STAT5B: variants seen among roughly 807,000 people sequenced by gnomAD.
STAT5B encodes the protein transcription factor STAT5B.
STAT5B carries 21 observed loss-of-function variants against 107.8 expected under a neutral mutation model. That is an observed-to-expected ratio of 0.19 (90% confidence interval 0.14 to 0.28). The LOEUF (loss-of-function observed/expected upper bound fraction) is 0.28. STAT5B is among the 10% of genes least tolerant of loss of function. The pLI is 1.00. For missense variants in STAT5B, 565 were observed against 1,008.2 expected (o/e 0.56, Z 5.95); for synonymous variants, 325 against 401.7 (o/e 0.81, Z 2.28).
chr17:42,268,343 A>G (rs928074527), intron 1 of STAT5B, among the ~76,000 whole-genome samples: 4 of 152,210 alleles, frequency 2.6e-5, no homozygotes, highest in African/African-American at 9.7e-5. Context: ...ACAGGTTTGT[A>G]GTCTAGGAGC....
At chr17:42,218,057 A>G (rs2080188400) in intron 9 of STAT5B, 94 bp downstream of exon 9, 1 of 1,550,496 alleles carries the variant, frequency 6.4e-7, no homozygotes, top group Non-Finnish European at 8.7e-7. Flanking sequence ...CCAGAAGGGC[A>G]AACAGGGATC....
chr17:42,204,679 A>C (rs2080072264), intron 16 of STAT5B, among the ~76,000 whole-genome samples: 1 of 152,262 alleles, frequency 6.6e-6, no homozygotes, highest in African/African-American at 2.4e-5. Flanking sequence ...CAATGGCACA[A>C]TCATAGCTCA....
chr17:42,244,181 G>A (rs142507325), intron 1 of STAT5B, among the ~76,000 whole-genome samples: 22 of 150,208 alleles, frequency 1.5e-4, no homozygotes, highest in Non-Finnish European at 3.2e-4. Context: ...TCAACCTCCT[G>A]GGTTCAGGTG....
the STAT5B span, chr17:42,288,069 G>A: frequency 6.6e-6 from 1 of 152,206 alleles, no homozygotes; most frequent in East Asian, 1.9e-4. This position sits in a 1 kb window ranked among gnomAD's most constrained non-coding sequence, Gnocchi z 4.8. Context: ...CTCAAAAGAT[G>A]ACACGCGCCA....
intron 11 of STAT5B, among the ~76,000 whole-genome samples, chr17:42,216,308 G>A (rs1413513699): frequency 6.6e-6 from 1 of 151,980 alleles, no homozygotes; most frequent in Non-Finnish European, 1.5e-5. Context: ...TATTTTACAA[G>A]CAATGTTGCT....
the STAT5B span, among the ~76,000 whole-genome samples, chr17:42,282,948 G>A: frequency 1.3e-5 from 2 of 152,178 alleles, no homozygotes; most frequent in Admixed American, 6.5e-5. Context: ...GCACTTTTTT[G>A]AGGCTTGGAG....
intron 1 of STAT5B, among the ~76,000 whole-genome samples, chr17:42,255,357 G>T (rs1031127848): frequency 6.6e-6 from 1 of 152,172 alleles, no homozygotes; most frequent in Non-Finnish European, 1.5e-5. Context: ...TACAGATGAG[G>T]AATCACATTT....
At chr17:42,257,823 C>T (rs1448596868) in intron 1 of STAT5B, among the ~76,000 whole-genome samples, 2 of 152,084 alleles carry the variant, frequency 1.3e-5, no homozygotes, top group African/African-American at 4.8e-5. Context: ...CAAATACCAC[C>T]ACAGTGAAAA....
chr17:42,230,346 C>T (rs2080307745), intron 2 of STAT5B, among the ~76,000 whole-genome samples: 1 of 152,126 alleles, frequency 6.6e-6, no homozygotes, highest in African/African-American at 2.4e-5. Flanking sequence ...TCAAAGAGGA[C>T]CCATGGCTAA....
At chr17:42,228,037 G>T (rs2080288598) in intron 2 of STAT5B, among the ~76,000 whole-genome samples, 1 of 152,158 alleles carries the variant, frequency 6.6e-6, no homozygotes, top group South Asian at 2.1e-4. Context: ...TAAGGACTTG[G>T]ATAATTTCCT....
intron 15 of STAT5B, 45 bp downstream of exon 15, chr17:42,210,126 A>G (rs2080116682): frequency 6.2e-7 from 1 of 1,613,976 alleles, no homozygotes; most frequent in Admixed American, 1.7e-5. Flanking sequence ...ATAATTTTGT[A>G]ACGAAAGCAG....
intron 1 of STAT5B, among the ~76,000 whole-genome samples, chr17:42,262,178 T>G (rs2080604136): frequency 6.6e-6 from 1 of 152,142 alleles, no homozygotes; most frequent in Non-Finnish European, 1.5e-5. Context: ...ATTTTTATTC[T>G]GAGACAGGGT....
intron 1 of STAT5B, among the ~76,000 whole-genome samples, chr17:42,247,042 G>A (rs1180090747): frequency 1.3e-5 from 2 of 152,138 alleles, no homozygotes; most frequent in African/African-American, 2.4e-5. Flanking sequence ...TAAAACCAAC[G>A]CAGGGTTTGT....
At chr17:42,283,430 C>T in the STAT5B span, among the ~76,000 whole-genome samples, 5 of 152,344 alleles carry the variant, frequency 3.3e-5, 1 homozygote, top group East Asian at 5.8e-4. Flanking sequence ...CTCTTCTCTT[C>T]GTCCAGAAAG....
chr17:42,225,123 C>T (rs2080262409), intron 3 of STAT5B, among the ~76,000 whole-genome samples: 1 of 152,080 alleles, frequency 6.6e-6, no homozygotes, highest in Non-Finnish European at 1.5e-5. Flanking sequence ...GGCACAACCT[C>T]GGGCCACTGC....
intron 1 of STAT5B, among the ~76,000 whole-genome samples, chr17:42,273,253 A>G (rs796363178): frequency 7.2e-5 from 11 of 152,256 alleles, no homozygotes; most frequent in African/African-American, 2.6e-4. Flanking sequence ...GAAGAGTTCT[A>G]TTCACAAAGC....
intron 2 of STAT5B, among the ~76,000 whole-genome samples, chr17:42,231,110 A>C (rs531475917): frequency 6.6e-6 from 1 of 152,228 alleles, no homozygotes; most frequent in South Asian, 2.1e-4. Context: ...ATAAACTATA[A>C]GAAATAAATT....
rs2080246874 is a variant in STAT5B, at chr17:42,223,452, A to G, written c.480T>C (p.Asn160=). The G allele has an allele frequency of 7.4e-6, 12 of 1,613,880 alleles. No individual in the cohort carries two copies. The African/African-American group carries it at 8.0e-5, about 11-fold the overall frequency. ...GAGTCTGCTGCAGCTTTTTTAACTC[A>G]TTCTCTGTGTCCTGCGTGACCAGTC... is the stretch of plus-strand genomic sequence containing the variant. ...ELRLVTQDTE[N]ELKKLQQTQE... is the part of the protein sequence containing the mutation. Residue 160 remains asparagine (N), a synonymous_variant, in exon 5 of 19, where the codon AAT becomes AAC. Coordinates refer to ENST00000293328, the MANE Select transcript of STAT5B (RefSeq NM_012448.4).
intron 3 of STAT5B, among the ~76,000 whole-genome samples, chr17:42,225,387 T>G (rs2080265001): frequency 6.6e-6 from 1 of 152,156 alleles, no homozygotes; most frequent in South Asian, 2.1e-4. Flanking sequence ...ACGGAATAAA[T>G]AAGTTTTAAA....
Sources: allele counts gnomAD v4.1 joint callset (sites outside exome capture counted in the v4.1 genomes callset), GRCh38; gene constraint gnomAD v4.1.1; non-coding constraint Gnocchi (gnomAD v3.1); transcripts MANE v1.5; gene names NCBI Gene and HGNC (gene_info 2026-07-23, HGNC 2026-07-21).